Variants in EIPR1 observed in about 807,000 individuals in gnomAD.
EIPR1 encodes EARP complex and GARP complex interacting protein 1.
Under a neutral mutation model 48.1 loss-of-function variants are expected in EIPR1, and 25 were observed. The ratio of observed to expected loss-of-function variants is 0.52; its 90% CI spans 0.38 to 0.73. EIPR1 has a LOEUF of 0.73. Ranked by LOEUF, EIPR1 falls within the 30% of genes least tolerant of loss-of-function variation. EIPR1 has a pLI of 0.00. For missense variants in EIPR1, 415 were observed against 506.2 expected (o/e 0.82, Z 1.73); for synonymous variants, 204 against 201.9 (o/e 1.01, Z -0.09).
chr2:3,307,051 C>A (rs866183191), intron 3 of EIPR1, among the ~76,000 whole-genome samples: 4 of 152,144 alleles, frequency 2.6e-5, no homozygotes, highest in Middle Eastern at 3.4e-3. Context: ...CAACCTCCCC[C>A]TCCTGGGTTC....
At chr2:3,292,003 C>T (rs775014631) in intron 3 of EIPR1, among the ~76,000 whole-genome samples, 16 of 152,232 alleles carry the variant, frequency 1.1e-4, no homozygotes, top group Non-Finnish European at 1.8e-4. Context: ...CACACGTGCT[C>T]GCCACGGGGC....
chr2:3,304,072 C>T (rs1472812154), intron 3 of EIPR1, among the ~76,000 whole-genome samples: 2 of 152,172 alleles, frequency 1.3e-5, no homozygotes, highest in East Asian at 1.9e-4. Context: ...AAGACAGACA[C>T]GGTCACCAAG....
chr2:3,254,318 C>T (rs1245460891), intron 4 of EIPR1, among the ~76,000 whole-genome samples: 2 of 152,166 alleles, frequency 1.3e-5, no homozygotes, highest in African/African-American at 4.8e-5. Context: ...CAGCTCCACA[C>T]AAAACTAACT....
chr2:3,337,952 ACCCGTCTTAGGAAATACCT>A, intron 3 of EIPR1, 46 bp downstream of exon 3: 1 of 1,529,568 alleles, frequency 6.5e-7, no homozygotes, highest in South Asian at 1.3e-5. Context: ...GCAATACAAA[ACCCGTCTTAGGAAATACCT>A]CCAGTTACCT....
intron 3 of EIPR1, among the ~76,000 whole-genome samples, chr2:3,309,433 G>A (rs1314262539): frequency 6.6e-6 from 1 of 152,148 alleles, no homozygotes; most frequent in Admixed American, 6.5e-5. Flanking sequence ...GAAACAGAAC[G>A]ATGAGAAACA....
chr2:3,235,110 C>T (rs908215250), intron 4 of EIPR1, among the ~76,000 whole-genome samples: 21 of 152,316 alleles, frequency 1.4e-4, no homozygotes, highest in Middle Eastern at 6.8e-3. Flanking sequence ...CAAACTTGCA[C>T]ATCAAAAACT....
chr2:3,244,371 C>T (rs1013753108), intron 4 of EIPR1, among the ~76,000 whole-genome samples: 15 of 152,262 alleles, frequency 9.9e-5, no homozygotes, highest in South Asian at 8.3e-4. Context: ...TACCTTCAGG[C>T]ATAACATTTT....
intron 4 of EIPR1, among the ~76,000 whole-genome samples, chr2:3,256,120 C>G (rs1025324913): frequency 1.3e-5 from 2 of 152,160 alleles, no homozygotes; most frequent in African/African-American, 4.8e-5. Flanking sequence ...GGTAGAAGCA[C>G]AGCAAGTATA....
chr2:3,287,800 T>TGCTCCAGAAAGCTCATTCACCAC (rs1668247123), intron 3 of EIPR1, among the ~76,000 whole-genome samples: 3 of 151,230 alleles, frequency 2.0e-5, no homozygotes, highest in African/African-American at 7.3e-5. Context: ...TCATTCACCA[T>TGCTCCAGAAAGCTCATTCACCAC]GCTCTAGAAA....
intron 2 of EIPR1, among the ~76,000 whole-genome samples, chr2:3,340,245 C>G (rs1670194247): frequency 6.6e-6 from 1 of 152,226 alleles, no homozygotes; most frequent in African/African-American, 2.4e-5. Flanking sequence ...TCATACCCAG[C>G]CAGTGCCCAG....
intron 3 of EIPR1, among the ~76,000 whole-genome samples, chr2:3,273,406 T>C (rs1036635697): frequency 2.0e-5 from 3 of 151,888 alleles, no homozygotes; most frequent in Admixed American, 2.0e-4. Context: ...CCACAAAAGG[T>C]AAAGAGGAGA....
chr2:3,366,593 A>G (rs1354282743), intron 1 of EIPR1, among the ~76,000 whole-genome samples: 1 of 152,188 alleles, frequency 6.6e-6, no homozygotes, highest in East Asian at 1.9e-4. Context: ...AAAATCAAGA[A>G]GTGAGTGTTC....
At chr2:3,313,959 G>C (rs950719073) in intron 3 of EIPR1, among the ~76,000 whole-genome samples, 1 of 152,162 alleles carries the variant, frequency 6.6e-6, no homozygotes, top group Non-Finnish European at 1.5e-5. Context: ...CCCGAGCTGC[G>C]GGCCTGGGTC....
At chr2:3,237,135 G>A (rs547292381) in intron 4 of EIPR1, among the ~76,000 whole-genome samples, 3 of 151,810 alleles carry the variant, frequency 2.0e-5, no homozygotes, top group Admixed American at 6.6e-5. Context: ...TGGGGAGGGC[G>A]AGGAGAACTG....
chr2:3,327,916 G>C (rs558266529), intron 3 of EIPR1, among the ~76,000 whole-genome samples: 1 of 152,126 alleles, frequency 6.6e-6, no homozygotes, highest in African/African-American at 2.4e-5. Context: ...CTGGAGTGCA[G>C]TGGCACAATC....
intron 4 of EIPR1, among the ~76,000 whole-genome samples, chr2:3,227,245 C>CCTT (rs1666092837): frequency 6.6e-6 from 1 of 152,160 alleles, no homozygotes; most frequent in African/African-American, 2.4e-5. Context: ...AAAGTTTGGA[C>CCTT]CTTCCTACAG....
intron 3 of EIPR1, among the ~76,000 whole-genome samples, chr2:3,289,109 T>C (rs1668292479): frequency 1.3e-5 from 2 of 152,222 alleles, no homozygotes; most frequent in South Asian, 4.1e-4. Flanking sequence ...GCTCTATTAA[T>C]ATCTCCCCAC....
At chr2:3,259,487 T>C (rs565583520) in intron 3 of EIPR1, among the ~76,000 whole-genome samples, 13 of 152,344 alleles carry the variant, frequency 8.5e-5, no homozygotes, top group African/African-American at 3.1e-4. Context: ...CCAGATACAA[T>C]GTTTAAGTGA....
At chr2:3,288,593 G>A (rs924333691) in intron 3 of EIPR1, among the ~76,000 whole-genome samples, 14 of 152,148 alleles carry the variant, frequency 9.2e-5, no homozygotes, top group Non-Finnish European at 1.3e-4. Context: ...GGGCAGATGC[G>A]GCCTGGAATC....
Sources: gnomAD v4.1 joint callset for allele counts (sites outside exome capture counted in the v4.1 genomes callset) on GRCh38, gnomAD v4.1.1 for gene constraint, MANE v1.5 for transcripts, NCBI Gene and HGNC (gene_info 2026-07-23, HGNC 2026-07-21) for gene names.